Variants in SPAG17 observed in about 807,000 individuals in gnomAD.
The protein encoded by SPAG17 is sperm associated antigen 17, also known as sperm-associated antigen 17.
Under a neutral mutation model 273.6 loss-of-function variants are expected in SPAG17, and 169 were observed. That is an observed-to-expected ratio of 0.62 (90% CI 0.55 to 0.70). The LOEUF (loss-of-function observed/expected upper bound fraction) is 0.70. SPAG17 is among the 30% of genes least tolerant of loss of function. The pLI, the probability that SPAG17 is intolerant of heterozygous loss-of-function variation, is 0.00. For missense variants in SPAG17, 2,557 were observed against 2,627.8 expected, an observed-to-expected ratio of 0.97 and a Z score of 0.59; for synonymous variants, 825 against 873.2, an observed-to-expected ratio of 0.94 and a Z score of 0.97.
intron 5 of SPAG17, 27 bp downstream of exon 5, chr1:118,101,713 C>T (rs768252732): frequency 6.3e-7 from 1 of 1,597,718 alleles, no homozygotes. Context: ...TCGTGAAAGG[C>T]ACCGCCGGCA....
chr1:117,989,191 C>A (rs1400657654), intron 38 of SPAG17, among the ~76,000 whole-genome samples: 3 of 152,090 alleles, frequency 2.0e-5, no homozygotes, highest in Admixed American at 2.0e-4. Context: ...GTGTCTCAGC[C>A]TGCTTTGTGT....
chr1:118,141,901 T>C (rs149127137), intron 3 of SPAG17, among the ~76,000 whole-genome samples: 269 of 152,338 alleles, frequency 1.8e-3, no homozygotes, highest in African/African-American at 5.0e-3. Flanking sequence ...ATCACGGCCA[T>C]GAGGACTAGT....
At chr1:117,979,086 C>G (rs1343384119) in intron 43 of SPAG17, among the ~76,000 whole-genome samples, 1 of 152,094 alleles carries the variant, frequency 6.6e-6, no homozygotes, top group Non-Finnish European at 1.5e-5. Context: ...CCAGGCTGGT[C>G]TCAAACTCTT....
At chr1:118,031,400 C>A (rs1418462160) in intron 25 of SPAG17, among the ~76,000 whole-genome samples, 2 of 151,778 alleles carry the variant, frequency 1.3e-5, no homozygotes, top group East Asian at 1.9e-4. Context: ...CAACGAAAAG[C>A]AAAGAAAACC....
In SPAG17 at chr1:118,031,758, T is replaced by C; in HGVS notation, c.3543A>G (p.Ile1181Met). ...ATTCTTTGGGTTTTTCTTTGCCTTT[T>C]ATTTTCCCTTTAGCTTTGCTTTGAG... is the stretch of plus-strand genomic sequence containing the variant. The part of the protein sequence containing the change: ...TVPQSKAKGK[I>M]KGKEKPKESL... The change falls in exon 25 of 49, where the codon ATA (isoleucine) becomes ATG (methionine). Residue 1181 changes from isoleucine (I) to methionine (M), a missense_variant. By Grantham distance (10) the Ile-to-Met change is conservative. Transcript: ENST00000336338. 1.2e-6 allele frequency: 2 copies of C among 1,613,926 alleles called. No individual in the cohort carries two copies.
chr1:118,183,247 G>C (rs1661028754), intron 1 of SPAG17, among the ~76,000 whole-genome samples: 1 of 152,110 alleles, frequency 6.6e-6, no homozygotes, highest in Non-Finnish European at 1.5e-5. Flanking sequence ...TGTATGGAAA[G>C]AAACTCTCTG....
chr1:118,004,596 C>T (rs764666588), intron 32 of SPAG17, among the ~76,000 whole-genome samples: 1 of 152,262 alleles, frequency 6.6e-6, no homozygotes. Flanking sequence ...AGCAAGGCTC[C>T]TTGGGCGTGA....
chr1:118,148,668 C>G (rs982648872), intron 3 of SPAG17, among the ~76,000 whole-genome samples: 2 of 152,194 alleles, frequency 1.3e-5, no homozygotes, highest in African/African-American at 2.4e-5. Flanking sequence ...GACCCAGAAG[C>G]CTAGGCAGCT....
intron 4 of SPAG17, among the ~76,000 whole-genome samples, chr1:118,109,590 G>A (rs923409908): frequency 7.0e-6 from 1 of 142,020 alleles, no homozygotes; most frequent in African/African-American, 2.7e-5. Flanking sequence ...TAATAATAAT[G>A]CATATACATA....
At chr1:118,003,150 G>C (rs1242224429) in intron 32 of SPAG17, among the ~76,000 whole-genome samples, 1 of 152,088 alleles carries the variant, frequency 6.6e-6, no homozygotes, top group Non-Finnish European at 1.5e-5. Context: ...GTTGAATATT[G>C]GCCCCCACTC....
At chr1:118,029,111 A>T (rs1210979041) in intron 25 of SPAG17, among the ~76,000 whole-genome samples, 2 of 152,128 alleles carry the variant, frequency 1.3e-5, no homozygotes, top group Non-Finnish European at 2.9e-5. Flanking sequence ...TTGGCCAGGC[A>T]TGATGGTACA....
intron 4 of SPAG17, among the ~76,000 whole-genome samples, chr1:118,112,316 A>G (rs1656809072): frequency 6.6e-6 from 1 of 152,092 alleles, no homozygotes; most frequent in South Asian, 2.1e-4. Context: ...AATGGAAACC[A>G]AACAATTTAT....
intron 1 of SPAG17, among the ~76,000 whole-genome samples, chr1:118,165,450 T>C (rs1660116663): frequency 6.6e-6 from 1 of 151,962 alleles, no homozygotes; most frequent in Admixed American, 6.6e-5. Flanking sequence ...GAACCTCGGG[T>C]ATTTACCCCA....
chr1:117,995,056 A>G (rs1458032870), intron 34 of SPAG17, among the ~76,000 whole-genome samples: 1 of 151,962 alleles, frequency 6.6e-6, no homozygotes, highest in Non-Finnish European at 1.5e-5. Context: ...AACTTGTACT[A>G]TTCTTCCCCT....
intron 15 of SPAG17, among the ~76,000 whole-genome samples, chr1:118,080,356 C>T (rs1330773376): frequency 6.6e-6 from 1 of 152,100 alleles, no homozygotes; most frequent in East Asian, 1.9e-4. Flanking sequence ...AAAGGTACCA[C>T]AGAGATTGAA....
intron 3 of SPAG17, among the ~76,000 whole-genome samples, chr1:118,139,368 A>G (rs1185049760): frequency 6.6e-6 from 1 of 152,302 alleles, no homozygotes; most frequent in East Asian, 1.9e-4. Flanking sequence ...TGGCAAGAAT[A>G]TAAGTTACGA....
chr1:118,146,400 G>A (rs1214021755), intron 3 of SPAG17, among the ~76,000 whole-genome samples: 1 of 152,182 alleles, frequency 6.6e-6, no homozygotes, highest in African/African-American at 2.4e-5. Flanking sequence ...AATTATTTGT[G>A]CATAGGTAGC....
intron 32 of SPAG17, among the ~76,000 whole-genome samples, chr1:118,000,463 T>C (rs557549086): frequency 1.3e-5 from 2 of 152,342 alleles, no homozygotes; most frequent in South Asian, 2.1e-4. Context: ...GAGCATGGAA[T>C]GTTCTTCCAT....
intron 21 of SPAG17, 86 bp from the exon 22 acceptor site, chr1:118,040,927 GA>G: frequency 1.2e-6 from 1 of 855,366 alleles, no homozygotes; most frequent in Non-Finnish European, 2.0e-6. Flanking sequence ...AAAGTTGCCA[GA>G]AGCTTAATTT....
Sources: allele counts gnomAD v4.1 joint callset (sites outside exome capture counted in the v4.1 genomes callset), GRCh38; gene constraint gnomAD v4.1.1; transcripts MANE v1.5; gene names NCBI Gene and HGNC (gene_info 2026-07-23, HGNC 2026-07-21).